The following ECT2L variants were observed in gnomAD, a reference collection of about 807,000 sequenced individuals.
ECT2L encodes the protein epithelial cell transforming 2 like, also known as epithelial cell-transforming sequence 2 oncogene-like.
Under a neutral mutation model 122.8 loss-of-function variants are expected in ECT2L, and 126 were observed. That is an observed-to-expected ratio of 1.03 (90% CI 0.89 to 1.19). The LOEUF is 1.19. Among genes scored for constraint, ECT2L ranks in the 50% most tolerant of loss-of-function variants. ECT2L has a pLI of 0.00. For missense variants in ECT2L, 1,012 were observed against 1,064.1 expected, an observed-to-expected ratio of 0.95 and a Z score of 0.68; for synonymous variants, 385 against 381.8, an observed-to-expected ratio of 1.01 and a Z score of -0.10.
chr6:138,838,245 T>C (rs9321680), intron 4 of ECT2L, 107 bp from the exon 5 acceptor site: 457,445 of 1,042,076 alleles, frequency 0.44, 106,838 homozygotes, highest in East Asian at 0.76. Context: ...TAGGATTTAT[T>C]TTTTATAGGT....
chr6:138,834,470 C>G (rs1001195208), intron 4 of ECT2L, among the ~76,000 whole-genome samples: 1 of 152,048 alleles, frequency 6.6e-6, no homozygotes, highest in Non-Finnish European at 1.5e-5. Context: ...GGAAGTAATT[C>G]ATATTCAATT....
intron 4 of ECT2L, among the ~76,000 whole-genome samples, chr6:138,827,599 C>T (rs1038796707): frequency 9.2e-5 from 14 of 151,774 alleles, no homozygotes; most frequent in Non-Finnish European, 1.3e-4. Flanking sequence ...CTCTGTTCCC[C>T]GGGCTGGAGT....
At chr6:138,902,421 A>G (rs1043040562) in intron 21 of ECT2L, 79 bp from the exon 22 acceptor site, 2 of 1,372,732 alleles carry the variant, frequency 1.5e-6, no homozygotes, top group African/African-American at 2.9e-5. Context: ...AAAGATGATG[A>G]TTTTTGAGTA....
At chr6:138,849,127 A>C (rs1446619996) in intron 8 of ECT2L, 142 bp from the exon 9 acceptor site, 1 of 788,508 alleles carries the variant, frequency 1.3e-6, no homozygotes, top group Non-Finnish European at 1.8e-6. Flanking sequence ...AATAGAAACC[A>C]AGGAGGAAGC....
chr6:138,846,721 G>C, intron 8 of ECT2L, 44 bp downstream of exon 8: 1 of 1,405,866 alleles, frequency 7.1e-7, no homozygotes. Context: ...TTGTTTTTTT[G>C]TTTTTTGTTT....
chr6:138,867,786 G>T (rs975420147), intron 12 of ECT2L, among the ~76,000 whole-genome samples: 2 of 151,784 alleles, frequency 1.3e-5, no homozygotes, highest in Non-Finnish European at 2.9e-5. Flanking sequence ...CCCAGATTGC[G>T]CCACTGCATT....
At chr6:138,845,044 C>T (rs1324563920) in intron 7 of ECT2L, among the ~76,000 whole-genome samples, 1 of 151,916 alleles carries the variant, frequency 6.6e-6, no homozygotes, top group African/African-American at 2.4e-5. Context: ...GTAAGAGTAT[C>T]CAAATGGTAT....
chr6:138,868,590 C>T (rs1438509417), intron 13 of ECT2L, among the ~76,000 whole-genome samples: 1 of 151,602 alleles, frequency 6.6e-6, no homozygotes, highest in South Asian at 2.1e-4. Context: ...AAGTGTGACC[C>T]AGATGTGAAA....
chr6:138,865,791 T>C (rs1778013304), intron 12 of ECT2L, among the ~76,000 whole-genome samples: 1 of 152,258 alleles, frequency 6.6e-6, no homozygotes, highest in Non-Finnish European at 1.5e-5. Flanking sequence ...AAAGAGTTTT[T>C]CTTTTTCTCA....
intron 1 of ECT2L, among the ~76,000 whole-genome samples, chr6:138,800,256 C>T (rs1775496765): frequency 6.6e-6 from 1 of 152,160 alleles, no homozygotes; most frequent in Non-Finnish European, 1.5e-5. Context: ...ATGTTTTTTC[C>T]AGTAGAGACA....
chr6:138,804,411 T>C (rs1184429975), intron 1 of ECT2L, among the ~76,000 whole-genome samples: 2 of 152,208 alleles, frequency 1.3e-5, no homozygotes, highest in Non-Finnish European at 2.9e-5. Flanking sequence ...TCTCTTCTGT[T>C]CCACAGGTTT....
At chr6:138,804,525 A>G (rs1026194681) in intron 1 of ECT2L, among the ~76,000 whole-genome samples, 1 of 152,020 alleles carries the variant, frequency 6.6e-6, no homozygotes, top group Non-Finnish European at 1.5e-5. Context: ...TATCAAGACT[A>G]CTGGTTTTGG....
chr6:138,875,224 C>T (rs1582644946), intron 13 of ECT2L, among the ~76,000 whole-genome samples: 1 of 152,236 alleles, frequency 6.6e-6, no homozygotes, highest in East Asian at 1.9e-4. Flanking sequence ...AGACAGGAAG[C>T]ACTCAGGCTC....
At chr6:138,805,081 T>A (rs149875555) in intron 1 of ECT2L, among the ~76,000 whole-genome samples, 5 of 152,324 alleles carry the variant, frequency 3.3e-5, no homozygotes, top group Non-Finnish European at 4.4e-5. Context: ...CCGTGCCACA[T>A]GTATTATTTT....
rs367563166 is a variant in ECT2L at position 138,838,320 on chromosome 6, G to A, written c.180-32G>A. 19 of 1,543,420 alleles carry A rather than the reference G, an allele frequency of 1.2e-5. No individual in the cohort carries two copies. In the African/African-American group the frequency reaches 2.4e-4, roughly 19 times the overall value. ...ACTTTTTAGTAAATTTTAGACATTA[G>A]TGTTCTAAACTAAATTTCTCTTTCT... On this transcript the variant is annotated intron_variant, in intron 4 of 21. Coordinates refer to ENST00000541398, the MANE Select transcript of ECT2L (RefSeq NM_001077706.3).
At chr6:138,886,665 A>G (rs1469506537) in intron 18 of ECT2L, among the ~76,000 whole-genome samples, 192 bp from the exon 19 acceptor site, 1 of 152,056 alleles carries the variant, frequency 6.6e-6, no homozygotes, top group Non-Finnish European at 1.5e-5. Context: ...CCATCAGCCC[A>G]CCTCAGCCTC....
chr6:138,841,174 T>C (rs900769245), intron 5 of ECT2L, among the ~76,000 whole-genome samples: 1 of 152,216 alleles, frequency 6.6e-6, no homozygotes, highest in East Asian at 1.9e-4. Context: ...AGTATTTATT[T>C]CCGCAAAGTT....
chr6:138,802,435 C>A (rs1458358126), intron 1 of ECT2L, among the ~76,000 whole-genome samples: 1 of 152,206 alleles, frequency 6.6e-6, no homozygotes, highest in Non-Finnish European at 1.5e-5. Context: ...AGTATGATAA[C>A]CCCATTAGAT....
intron 4 of ECT2L, among the ~76,000 whole-genome samples, chr6:138,833,044 G>A (rs1776705638): frequency 6.6e-6 from 1 of 152,030 alleles, no homozygotes. Flanking sequence ...GAGAAAAGGA[G>A]GAACTGTCAA....
Sources: gnomAD v4.1 joint callset for allele counts (sites outside exome capture counted in the v4.1 genomes callset) on GRCh38, gnomAD v4.1.1 for gene constraint, MANE v1.5 for transcripts, NCBI Gene and HGNC (gene_info 2026-07-23, HGNC 2026-07-21) for gene names.